The following ORAI3 variants were observed in gnomAD, a reference collection of about 807,000 sequenced individuals.
ORAI3 encodes protein orai-3.
In ORAI3, 15 loss-of-function variants were observed where a neutral mutation model predicts 17.2. The ratio of observed to expected loss-of-function variants is 0.87; its 90% confidence interval spans 0.58 to 1.34. ORAI3 has a LOEUF of 1.34. Ranked by LOEUF, ORAI3 falls within the 40% of genes most tolerant of loss-of-function variation. The probability of loss-of-function intolerance (pLI) is 0.00; values close to 1 mark genes in which losing one functional copy is unlikely to be tolerated. For missense variants in ORAI3, 405 were observed against 396.7 expected, an observed-to-expected ratio of 1.02 and a Z score of -0.18; for synonymous variants, 178 against 172.4, an observed-to-expected ratio of 1.03 and a Z score of -0.25.
intron 1 of ORAI3, 36 bp downstream of exon 1, chr16:30,949,553 G>T (rs1016960751): frequency 6.3e-6 from 4 of 635,388 alleles, no homozygotes; most frequent in African/African-American, 2.0e-5. Flanking sequence ...CGGTGGGGCA[G>T]AGCAAGTGGG....
rs2055907060 is a variant in ORAI3, at chr16:30,949,176, A to C, written c.-114A>C. On this transcript the variant is annotated 5_prime_UTR_variant, in exon 1 of 2. Coordinates refer to ENST00000318663, the MANE Select transcript of ORAI3 (RefSeq NM_152288.3). Reference sequence around the variant, plus strand: ...CTCTTCCTGGGCGCCCGCCGCCTGCATCCTGCTCGTCCTGTCTGGGAATGG... The same window carrying C: ...CTCTTCCTGGGCGCCCGCCGCCTGCCTCCTGCTCGTCCTGTCTGGGAATGG... 1.5e-6 allele frequency: 1 copy of C among 682,636 alleles called. No homozygotes were observed. Among genetic ancestry groups the C allele is most frequent in the Non-Finnish European group, 2.2e-6 (1 of 455,034 alleles). The allele number at this position is 682,636 out of a possible 1,614,324, so 42.3% of individuals were successfully genotyped here.
chr16:30,950,537 A>G (rs1047228230), intron 1 of ORAI3, among the ~76,000 whole-genome samples: 3 of 152,118 alleles, frequency 2.0e-5, no homozygotes, highest in African/African-American at 7.2e-5. Flanking sequence ...ACTTTGGGGA[A>G]CGCACTCCTG....
chr16:30,952,613 C>G (rs1216922254), intron 1 of ORAI3, among the ~76,000 whole-genome samples: 1 of 152,174 alleles, frequency 6.6e-6, no homozygotes, highest in Non-Finnish European at 1.5e-5. Flanking sequence ...GCTGTTTGAT[C>G]CCTATGCAGT....
In ORAI3 at chr16:30,953,785, C is replaced by CGCTACAAG. The variant is rs2055937471; in HGVS notation, c.830_837dup (p.Gln280AlafsTer6). On this transcript the variant is annotated frameshift_variant, in exon 2 of 2. Transcript: ENST00000318663. LOFTEE classifies it high-confidence loss of function. ...CTCCTTGGTGGCACACAAGACAGAC[C>CGCTACAAG]GCTACAAGCAGGAACTAGAGGAACT... 6.2e-7 allele frequency: 1 copy of CGCTACAAG among 1,613,718 alleles called. No homozygotes were observed. Among genetic ancestry groups the CGCTACAAG allele is most frequent in the African/African-American group, 1.3e-5 (1 of 74,948 alleles).
rs776886606 is a variant in ORAI3, at chr16:30,949,168, C to T, written c.-122C>T. On this transcript the variant is annotated 5_prime_UTR_variant, in exon 1 of 2. Coordinates refer to ENST00000318663, the MANE Select transcript of ORAI3 (RefSeq NM_152288.3). The stretch of plus-strand genomic sequence containing the variant: ...GGGGGTGCCTCTTCCTGGGCGCCCG[C>T]CGCCTGCATCCTGCTCGTCCTGTCT... The T allele has an allele frequency of 9.2e-5, 58 of 632,160 alleles. No individual in the cohort carries two copies. Among genetic ancestry groups the T allele is most frequent in the Non-Finnish European group, 1.4e-4 (56 of 410,414 alleles). 39.2% of individuals were successfully genotyped at this position (632,160 alleles called of 1,614,324 possible). A position where few individuals can be genotyped will look rare whatever the true frequency, so the allele number is the denominator to read the frequency against.
chr16:30,949,882 T>G (rs1596661566), intron 1 of ORAI3: 3 of 188,568 alleles, frequency 1.6e-5, no homozygotes, highest in South Asian at 8.1e-5. Flanking sequence ...GTCAGCTGGG[T>G]GGGGGCTGCA....
At chr16:30,952,378 G>A (rs768807069) in intron 1 of ORAI3, among the ~76,000 whole-genome samples, 1 of 151,776 alleles carries the variant, frequency 6.6e-6, no homozygotes, top group African/African-American at 2.4e-5. Flanking sequence ...CAGGTGATCC[G>A]CCCAACTCGG....
rs745330226 is a variant in ORAI3, at chr16:30,949,442, G to GC, written c.154dup (p.Arg52ProfsTer36). Reference sequence around the variant, plus strand: ...AGCACTCGCTGCGGGCGCTCAGCTGGCGCCGCCTCTACCTCAGCCGGGCCA... The same window carrying GC: ...AGCACTCGCTGCGGGCGCTCAGCTGGCCGCCGCCTCTACCTCAGCCGGGCCA... On this transcript the variant is annotated frameshift_variant, in exon 1 of 2. Transcript: ENST00000318663. LOFTEE classifies it high-confidence loss of function. 23 of 1,607,016 alleles carry GC rather than the reference G, an allele frequency of 1.4e-5. No individual in the cohort carries two copies. The highest frequency in any genetic ancestry group is 2.0e-5 in the Non-Finnish European group (23 of 1,178,268).
Position 30,949,074 on chromosome 16 carries a change from T to C in ORAI3, c.-216T>C. On this transcript the variant is annotated 5_prime_UTR_variant, in exon 1 of 2. Transcript: ENST00000318663. ...CCGGCTCCGCCTCTGTCCCAGTTCC[T>C]GTTTTGGCCTCCGCTGTCCCGCTCC... 1 of 434,276 alleles carries C rather than the reference T, an allele frequency of 2.3e-6. No homozygotes were observed. The highest frequency in any genetic ancestry group is 2.1e-5 in the African/African-American group (1 of 48,488). The allele number at this position is 434,276 out of a possible 1,614,324, so 26.9% of individuals were successfully genotyped here. A position where few individuals can be genotyped will look rare whatever the true frequency, so the allele number is the denominator to read the frequency against.
chr16:30,953,722 G>A lies in ORAI3; in HGVS notation c.766G>A (p.Gly256Arg), dbSNP rs1390181597. The part of the protein sequence containing the change: ...MASTAIMVPV[G>R]LVFVAFALHF... ...CTCCACAGCCATCATGGTACCCGTG[G>A]GGCTCGTGTTTGTGGCCTTTGCCCT... is the stretch of plus-strand genomic sequence containing the variant. The change falls in exon 2 of 2, where the codon GGG (glycine) becomes AGG (arginine). Residue 256 changes from glycine (G) to arginine (R), a missense_variant. Physicochemically the swap from Gly to Arg is moderately radical, Grantham distance 125. Coordinates refer to ENST00000318663, the MANE Select transcript of ORAI3 (RefSeq NM_152288.3). 1 of 1,614,208 alleles carries A rather than the reference G, an allele frequency of 6.2e-7. No homozygotes were observed. Among genetic ancestry groups the A allele is most frequent in the South Asian group, 1.1e-5 (1 of 91,092 alleles).
chr16:30,953,164 C>A, intron 1 of ORAI3, 21 bp from the exon 2 acceptor site: 1 of 1,558,168 alleles, frequency 6.4e-7, no homozygotes, highest in South Asian at 1.2e-5. Context: ...GAGATCAGTA[C>A]ATCCCCTCTT....
In ORAI3 at chr16:30,949,227, C is replaced by A. The variant is rs1044473809; in HGVS notation, c.-63C>A. 6 of 1,210,418 alleles carry A rather than the reference C, an allele frequency of 5.0e-6. No individual in the cohort carries two copies. Among genetic ancestry groups the A allele is most frequent in the Admixed American group, 4.1e-5 (1 of 24,196 alleles). The allele number at this position is 1,210,418 out of a possible 1,614,324, so 75.0% of individuals were successfully genotyped here. A position where few individuals can be genotyped will look rare whatever the true frequency, so the allele number is the denominator to read the frequency against. On this transcript the variant is annotated 5_prime_UTR_variant, in exon 1 of 2. Transcript: ENST00000318663. ...GGCCGCCCCCGGGCTTGGGCCGGCC[C>A]GGCTGGGGCCCCCGAGGCGCTTCCG...
Position 30,954,260 on chromosome 16 carries a change from C to G in ORAI3, c.*416C>G. 1.6e-6 allele frequency: 1 copy of G among 628,858 alleles called. No homozygotes were observed. The highest frequency in any genetic ancestry group is 2.8e-6 in the Non-Finnish European group (1 of 352,130). The allele number at this position is 628,858 out of a possible 1,614,324, so 39.0% of individuals were successfully genotyped here. On this transcript the variant is annotated 3_prime_UTR_variant, in exon 2 of 2. Coordinates refer to ENST00000318663, the MANE Select transcript of ORAI3 (RefSeq NM_152288.3). Reference sequence around the variant, plus strand: ...TTTTTTTTTGAGACAGTCTGTTTCCCAGGCTGGAGTGTAGTGATACAGTCA... The same window carrying G: ...TTTTTTTTTGAGACAGTCTGTTTCCGAGGCTGGAGTGTAGTGATACAGTCA...
intron 1 of ORAI3, among the ~76,000 whole-genome samples, chr16:30,952,721 A>G (rs1163541825): frequency 6.6e-6 from 1 of 151,858 alleles, no homozygotes; most frequent in Non-Finnish European, 1.5e-5. Context: ...GCTGGAGTGC[A>G]GTCACATGAT....
In ORAI3 at chr16:30,953,259, C is replaced by T. The variant is rs2055932932; in HGVS notation, c.303C>T (p.Cys101=). 2 of 1,611,954 alleles carry T rather than the reference C, an allele frequency of 1.2e-6. No homozygotes were observed. The highest frequency in any genetic ancestry group is 1.1e-5 in the South Asian group (1 of 90,684). Residue 101 remains cysteine (C), a synonymous_variant, in exon 2 of 2, where the codon TGC becomes TGT. Coordinates refer to ENST00000318663, the MANE Select transcript of ORAI3 (RefSeq NM_152288.3). ...PPGLLVAFSA[C]TTVLVAVHLF... ...GCCTGCTGGTGGCCTTCAGTGCCTG[C>T]ACCACCGTGCTGGTGGCTGTGCACC...
At position 30,953,295 on chromosome 16, in the gene ORAI3, C is replaced by G; in HGVS notation, c.339C>G (p.Leu113=). The G allele has an allele frequency of 1.2e-6, 2 of 1,614,116 alleles. No individual in the cohort carries two copies. Among genetic ancestry groups the G allele is most frequent in the Non-Finnish European group, 1.7e-6 (2 of 1,179,986 alleles). The change falls in exon 2 of 2, where the codon CTC becomes CTG. Residue 113 remains leucine (L), a synonymous_variant. Transcript: ENST00000318663. ...TVLVAVHLFA[L]MVSTCLLPHI... is the part of the protein sequence containing the mutation. ...TGGTGGCTGTGCACCTCTTTGCACT[C>G]ATGGTCTCCACGTGTCTGCTGCCCC...
rs1472473431 is a variant in ORAI3 at position 30,949,354 on chromosome 16, C to T, written c.65C>T (p.Ala22Val). ...CTGAACCCTGAGGGCGAGAGCCCTG[C>T]AGGCTCGGCCACGTACCGGGAGTTC... ...APLNPEGESP[A>V]GSATYREFVH... The change falls in exon 1 of 2, where the codon GCA (alanine) becomes GTA (valine). Residue 22 changes from alanine to valine, a missense_variant. Transcript: ENST00000318663. 1.3e-6 allele frequency: 2 copies of T among 1,550,676 alleles called. No individual in the cohort carries two copies. The highest frequency in any genetic ancestry group is 2.5e-5 in the East Asian group (1 of 40,262).
chr16:30,950,916 G>C (rs1567344231), intron 1 of ORAI3, among the ~76,000 whole-genome samples: 1 of 152,196 alleles, frequency 6.6e-6, no homozygotes, highest in Non-Finnish European at 1.5e-5. Flanking sequence ...GACAGCTTAA[G>C]GGCCCGAGCC....
At position 30,949,343 on chromosome 16, in the gene ORAI3, C is replaced by A; in HGVS notation, c.54C>A (p.Gly18=). 1.3e-6 allele frequency: 2 copies of A among 1,517,772 alleles called. No individual in the cohort carries two copies. The highest frequency in any genetic ancestry group is 1.4e-5 in the African/African-American group (1 of 70,316). The allele number at this position is 1,517,772 out of a possible 1,614,324, so 94.0% of individuals were successfully genotyped here. A position where few individuals can be genotyped will look rare whatever the true frequency, so the allele number is the denominator to read the frequency against. The change falls in exon 1 of 2, where the codon GGC becomes GGA. Residue 18 remains glycine, a synonymous_variant. Transcript: ENST00000318663. The part of the protein sequence containing the change: ...AGEQAPLNPE[G]ESPAGSATYR... ...AGCAGGCCCCGCTGAACCCTGAGGG[C>A]GAGAGCCCTGCAGGCTCGGCCACGT... is the stretch of plus-strand genomic sequence containing the variant.
Sources: allele counts gnomAD v4.1 joint callset (sites outside exome capture counted in the v4.1 genomes callset), GRCh38; gene constraint gnomAD v4.1.1; transcripts MANE v1.5; gene names NCBI Gene and HGNC (gene_info 2026-07-23, HGNC 2026-07-21).